The following NPAS3 variants were observed in gnomAD, a reference collection of about 807,000 sequenced individuals.
The protein encoded by NPAS3 is neuronal PAS domain protein 3, also known as neuronal PAS domain-containing protein 3.
In NPAS3, 14 loss-of-function variants were observed where a neutral mutation model predicts 73.1. That is an observed-to-expected ratio of 0.19 (90% CI 0.13 to 0.30). NPAS3 has a LOEUF of 0.30. Ranked by LOEUF, NPAS3 falls within the 10% of genes least tolerant of loss-of-function variation. The pLI, the probability that NPAS3 is intolerant of heterozygous loss-of-function variation, is 1.00. For synonymous variants in NPAS3, 620 were observed against 541.5 expected (o/e 1.14, Z -2.01); for missense variants, 1,096 against 1,250.0 (o/e 0.88, Z 1.86).
intron 4 of NPAS3, among the ~76,000 whole-genome samples, chr14:33,444,571 C>T (rs2049399905): frequency 6.6e-6 from 1 of 152,152 alleles, no homozygotes; most frequent in Non-Finnish European, 1.5e-5. Flanking sequence ...ATGGAATGAC[C>T]CATTTCCTGA....
intron 1 of NPAS3, 126 bp downstream of exon 1, chr14:32,939,492 C>A (rs1344559865): frequency 4.5e-6 from 1 of 221,626 alleles, no homozygotes; most frequent in Non-Finnish European, 9.1e-6. Context: ...GGGACCTCGT[C>A]TGGGCGCAGC....
Position 33,465,300 on chromosome 14 carries a change from C to T in NPAS3, c.469-94821C>T, listed in dbSNP as rs142352963. Among the ~76,000 whole-genome samples, 63 of 152,230 alleles carry T rather than the reference C, an allele frequency of 4.1e-4. 1 individual carries two copies. Among genetic ancestry groups the T allele is most frequent in the African/African-American group, 1.5e-3 (62 of 41,528 alleles). ...CCCATACATTAAAGTATTTTAAACA[C>T]GTAATTTTATTAAGAAGTTATATGG... On this transcript the variant is annotated intron_variant, in intron 4 of 11. Transcript: ENST00000356141.
At chr14:33,476,081 A>G (rs184304248) in intron 4 of NPAS3, among the ~76,000 whole-genome samples, 37 of 152,270 alleles carry the variant, frequency 2.4e-4, no homozygotes, top group Admixed American at 1.6e-3. Context: ...AAACATAACG[A>G]TGGTTTTTCC....
chr14:33,037,541 C>T (rs1322629101), intron 1 of NPAS3, among the ~76,000 whole-genome samples: 1 of 151,568 alleles, frequency 6.6e-6, no homozygotes, highest in Non-Finnish European at 1.5e-5. Flanking sequence ...TGTTGCACAC[C>T]TGTGGTCTCA....
intron 5 of NPAS3, among the ~76,000 whole-genome samples, chr14:33,596,636 T>C (rs2057250894): frequency 6.6e-6 from 1 of 152,236 alleles, no homozygotes; most frequent in Non-Finnish European, 1.5e-5. Context: ...TTCTGTTCAA[T>C]TGACCTGTCA....
intron 6 of NPAS3, among the ~76,000 whole-genome samples, chr14:33,679,156 C>CAGCTACACTCGCATAAG (rs1371363034): frequency 6.6e-5 from 10 of 152,198 alleles, no homozygotes; most frequent in Non-Finnish European, 1.2e-4. Flanking sequence ...TTGGGCTCAT[C>CAGCTACACTCGCATAAG]AGCTACACTC....
At chr14:33,695,887 T>A (rs574897147) in intron 6 of NPAS3, among the ~76,000 whole-genome samples, 1 of 152,330 alleles carries the variant, frequency 6.6e-6, no homozygotes, top group African/African-American at 2.4e-5. Flanking sequence ...ACTGTGGGGT[T>A]TCCCTGCATA....
rs138911340 is a variant in NPAS3 at position 33,788,874 on chromosome 14, T to C, written c.1154-5023T>C. On this transcript the variant is annotated intron_variant, in intron 9 of 11. Coordinates refer to ENST00000356141, the Ensembl canonical transcript of NPAS3. ...ATCAGATTTGCAGGGAGAAGAATTA[T>C]TCTAAGCAGTACATTTCTTATAGGC... Among the ~76,000 whole-genome samples the C allele has an allele frequency of 4.5e-3, 688 of 151,618 alleles. 4 individuals carry two copies. The highest frequency in any genetic ancestry group is 8.5e-3 in the Admixed American group (129 of 15,196).
intron 2 of NPAS3, among the ~76,000 whole-genome samples, chr14:33,212,837 A>G (rs1271429479): frequency 6.6e-6 from 1 of 152,214 alleles, no homozygotes; most frequent in African/African-American, 2.4e-5. Flanking sequence ...TCTGAGTGAC[A>G]TGAATAAAGG....
At chr14:33,036,177 T>TG (rs927588954) in intron 1 of NPAS3, among the ~76,000 whole-genome samples, 2 of 151,810 alleles carry the variant, frequency 1.3e-5, no homozygotes, top group African/African-American at 4.8e-5. Context: ...GGGTTAGGGG[T>TG]GGGGGCTGGT....
At chr14:33,562,119 T>A (rs578136633) in intron 5 of NPAS3, among the ~76,000 whole-genome samples, 1 of 152,342 alleles carries the variant, frequency 6.6e-6, no homozygotes, top group African/African-American at 2.4e-5. Context: ...TCTGGAATAG[T>A]GCGGCCATCT....
intron 2 of NPAS3, among the ~76,000 whole-genome samples, chr14:33,157,498 C>CCTTGGG (rs1474198611): frequency 4.6e-5 from 7 of 152,190 alleles, no homozygotes; most frequent in African/African-American, 1.7e-4. Context: ...CACACACATA[C>CCTTGGG]CTTGTATTTG....
At chr14:32,991,117 A>G (rs1374295836) in intron 1 of NPAS3, among the ~76,000 whole-genome samples, 1 of 150,598 alleles carries the variant, frequency 6.6e-6, no homozygotes, top group Non-Finnish European at 1.5e-5. Context: ...ACTACAGACA[A>G]GTGTTACCAT....
intron 3 of NPAS3, among the ~76,000 whole-genome samples, chr14:33,255,379 T>TAA (rs1343642832): frequency 6.6e-6 from 1 of 152,176 alleles, no homozygotes; most frequent in East Asian, 1.9e-4. Flanking sequence ...TTCTGCAAAC[T>TAA]AATATATAGA....
intron 2 of NPAS3, among the ~76,000 whole-genome samples, chr14:33,138,650 C>T (rs763444414): frequency 2.0e-5 from 3 of 151,998 alleles, no homozygotes; most frequent in Non-Finnish European, 4.4e-5. Context: ...CCATCAATTC[C>T]AAATCTAAGG....
intron 4 of NPAS3, among the ~76,000 whole-genome samples, chr14:33,382,497 A>G (rs2046599549): frequency 1.3e-5 from 2 of 152,148 alleles, no homozygotes; most frequent in East Asian, 1.9e-4. Context: ...GAAAGTATAT[A>G]TAACCAGCCT....
chr14:33,678,791 G>C (rs2140348359), intron 6 of NPAS3, among the ~76,000 whole-genome samples: 1 of 150,530 alleles, frequency 6.6e-6, no homozygotes, highest in Non-Finnish European at 1.5e-5. Flanking sequence ...AACCAGTTCT[G>C]CTAGAGTATC....
chr14:33,064,885 C>T (rs918713430), intron 2 of NPAS3, among the ~76,000 whole-genome samples: 2 of 152,120 alleles, frequency 1.3e-5, no homozygotes, highest in Admixed American at 1.3e-4. Flanking sequence ...TCCATACACA[C>T]CTGACTCGGC....
chr14:33,312,960 T>C (rs2043063768), intron 3 of NPAS3, among the ~76,000 whole-genome samples: 1 of 152,056 alleles, frequency 6.6e-6, no homozygotes, highest in Non-Finnish European at 1.5e-5. Context: ...ATGGCATCCA[T>C]TTAGAATATT....
Sources: gnomAD v4.1 joint callset for allele counts (sites outside exome capture counted in the v4.1 genomes callset) on GRCh38, gnomAD v4.1.1 for gene constraint, MANE v1.5 for transcripts, NCBI Gene and HGNC (gene_info 2026-07-23, HGNC 2026-07-21) for gene names.